WNT2B: variants seen among roughly 807,000 people sequenced by gnomAD.
The protein encoded by WNT2B is Wnt family member 2B.
In WNT2B, 19 loss-of-function variants were observed where a neutral mutation model predicts 40.5. That is an observed-to-expected ratio of 0.47 (90% CI 0.33 to 0.69). The LOEUF is 0.69. Among genes scored for constraint, WNT2B ranks in the 30% least tolerant of loss-of-function variants. The pLI, the probability that WNT2B is intolerant of heterozygous loss-of-function variation, is 0.02. For synonymous variants in WNT2B, 220 were observed against 211.9 expected, an observed-to-expected ratio of 1.04 and a Z score of -0.33; for missense variants, 467 against 556.4, an observed-to-expected ratio of 0.84 and a Z score of 1.62.
chr1:112,475,928 T>A (rs987225482), intron 1 of WNT2B, among the ~76,000 whole-genome samples: 1 of 152,126 alleles, frequency 6.6e-6, no homozygotes, highest in African/African-American at 2.4e-5. Context: ...AGAAATCCAA[T>A]ATAAATATAA....
Position 112,509,257 on chromosome 1 carries a change from G to A in WNT2B, c.-6G>A, listed in dbSNP as rs1490011880. The A allele has an allele frequency of 2.6e-6, 4 of 1,516,770 alleles. No individual in the cohort carries two copies. The highest frequency in any genetic ancestry group is 1.4e-5 in the African/African-American group (1 of 70,018). 94.0% of individuals were successfully genotyped at this position (1,516,770 alleles called of 1,614,324 possible). On this transcript the variant is annotated 5_prime_UTR_variant, in exon 1 of 5. Transcript: ENST00000369684. This position sits in a 1 kb window ranked among gnomAD's most constrained non-coding sequence, Gnocchi z 4.2. ...CGGGCTGCGCGGCGGGAGTCTTCGG[G>A]GAGCTATGCTGAGACCGGGTGGTGC...
chr1:112,468,549 C>G (rs991612227), intron 1 of WNT2B, among the ~76,000 whole-genome samples: 1 of 152,090 alleles, frequency 6.6e-6, no homozygotes, highest in African/African-American at 2.4e-5. Flanking sequence ...CCTAATGATT[C>G]ATGACATTGA....
At chr1:112,466,727 CTATT>C (rs1472857763) in exon 1 of WNT2B, 4 of 152,168 alleles carry the variant, frequency 2.6e-5, no homozygotes, top group African/African-American at 4.8e-5. Context: ...AGGATTCTAT[CTATT>C]TATGCATTCA....
At chr1:112,473,301 TAGC>T (rs1364861909) in intron 1 of WNT2B, among the ~76,000 whole-genome samples, 2 of 151,742 alleles carry the variant, frequency 1.3e-5, no homozygotes, top group Non-Finnish European at 2.9e-5. Flanking sequence ...ATGACAGAAA[TAGC>T]AGACAATTAC....
chr1:112,507,498 G>A (rs897117153), upstream of WNT2B, among the ~76,000 whole-genome samples: 4 of 152,190 alleles, frequency 2.6e-5, no homozygotes, highest in African/African-American at 9.6e-5. Context: ...CACTCTGCCC[G>A]CCCACAGAAG....
upstream of WNT2B, among the ~76,000 whole-genome samples, chr1:112,505,285 C>A (rs7542272): frequency 0.11 from 17,123 of 152,206 alleles, 3,204 homozygotes; most frequent in African/African-American, 0.39. Context: ...CAGCATGCAC[C>A]CTTGAACTTC....
intron 1 of WNT2B, among the ~76,000 whole-genome samples, chr1:112,484,284 T>TATAC (rs1651341386): frequency 9.4e-6 from 1 of 106,602 alleles, no homozygotes; most frequent in Admixed American, 9.3e-5. Context: ...TATATATATA[T>TATAC]ATATATACAC....
chr1:112,491,952 G>A (rs1392804347), intron 1 of WNT2B, among the ~76,000 whole-genome samples: 1 of 151,974 alleles, frequency 6.6e-6, no homozygotes, highest in Non-Finnish European at 1.5e-5. Flanking sequence ...GGAAAATTTA[G>A]GATATGAGTT....
At chr1:112,484,050 C>T (rs1651319790) in intron 1 of WNT2B, among the ~76,000 whole-genome samples, 1 of 149,104 alleles carries the variant, frequency 6.7e-6, no homozygotes, top group African/African-American at 2.4e-5. Context: ...CACTTGAGCC[C>T]TGGAGTTCAA....
chr1:112,468,648 A>G (rs1388617360), intron 1 of WNT2B, among the ~76,000 whole-genome samples: 1 of 151,748 alleles, frequency 6.6e-6, no homozygotes, highest in Non-Finnish European at 1.5e-5. Context: ...TGGGATTATT[A>G]TTATTATTAT....
intron 1 of WNT2B, among the ~76,000 whole-genome samples, chr1:112,468,967 C>T (rs12164560): frequency 5.8e-4 from 88 of 152,250 alleles, no homozygotes; most frequent in Admixed American, 1.2e-3. Flanking sequence ...AATCCATCTT[C>T]AGTTGTCTTC....
chr1:112,520,195 A>C, intron 4 of WNT2B, 85 bp from the exon 5 acceptor site: 3 of 1,367,096 alleles, frequency 2.2e-6, no homozygotes, highest in East Asian at 2.5e-5. Context: ...GATTCTTTTT[A>C]TCTTCCTTCT....
intron 1 of WNT2B, among the ~76,000 whole-genome samples, chr1:112,482,466 T>C (rs976948802): frequency 6.6e-6 from 1 of 152,108 alleles, no homozygotes; most frequent in Non-Finnish European, 1.5e-5. Flanking sequence ...CTACTGATAA[T>C]CTGGGACTAC....
Position 112,522,380 on chromosome 1 carries a change from T to C in WNT2B, c.*1871T>C, listed in dbSNP as rs1228276916. Reference sequence around the variant, plus strand: ...ACCAAACTCCAGCCCGCAGATCCTCTTCACCAAAGCCCCTGGCTGGTCTAG... The same window carrying C: ...ACCAAACTCCAGCCCGCAGATCCTCCTCACCAAAGCCCCTGGCTGGTCTAG... On this transcript the variant is annotated 3_prime_UTR_variant, in exon 5 of 5. Transcript: ENST00000369684. 2 of 152,302 alleles carry C rather than the reference T, an allele frequency of 1.3e-5. No homozygotes were observed. Among genetic ancestry groups the C allele is most frequent in the African/African-American group, 4.8e-5 (2 of 41,478 alleles). The allele number at this position is 152,302 out of a possible 1,614,324, so 9.4% of individuals were successfully genotyped here.
In WNT2B at chr1:112,495,445, T is replaced by C. The variant is rs529153326; in HGVS notation, c.-94-19429T>C. The stretch of plus-strand genomic sequence containing the variant: ...ACAAAAAAAACAAAAAAAAATTAGC[T>C]GGGCATGGTGGCGAGTGCCTATAGT... On this transcript the variant is annotated intron_variant, in intron 1 of 4. Transcript: ENST00000256640. 3.1e-3 allele frequency among the ~76,000 whole-genome samples: 471 copies of C among 151,982 alleles called. 2 individuals carry two copies. Among genetic ancestry groups the C allele is most frequent in the African/African-American group, 0.011 (445 of 41,468 alleles).
chr1:112,520,218 A>C, intron 4 of WNT2B, 62 bp from the exon 5 acceptor site: 3 of 1,484,716 alleles, frequency 2.0e-6, no homozygotes, highest in Admixed American at 3.8e-5. Flanking sequence ...GAATGTGGTT[A>C]AGGGTATCCA....
rs78844605 is a variant in WNT2B at position 112,529,751 on chromosome 1, TAAAAAAA to T, written c.*9257_*9263del. Reference sequence around the variant, plus strand: ...TCAATGCCATCCAAAAGATAAAAGTTAAAAAAAAAAAAAAAAAAAAAGGTAACTATGC... The same window carrying T: ...TCAATGCCATCCAAAAGATAAAAGTTAAAAAAAAAAAAAAGGTAACTATGC... On this transcript the variant is annotated 3_prime_UTR_variant, in exon 5 of 5. Coordinates refer to ENST00000369684, the MANE Select transcript of WNT2B (RefSeq NM_024494.3). 2.0e-5 allele frequency: 2 copies of T among 98,990 alleles called. No individual in the cohort carries two copies. The highest frequency in any genetic ancestry group is 7.5e-5 in the African/African-American group (2 of 26,494). 6.1% of individuals were successfully genotyped at this position (98,990 alleles called of 1,614,324 possible). A position where few individuals can be genotyped will look rare whatever the true frequency, so the allele number is the denominator to read the frequency against.
intron 1 of WNT2B, among the ~76,000 whole-genome samples, chr1:112,468,994 T>C (rs1650790437): frequency 6.6e-6 from 1 of 152,200 alleles, no homozygotes; most frequent in Admixed American, 6.5e-5. Context: ...TAGTGAAAGA[T>C]AGGAATCCAG....
At chr1:112,517,574 G>C (rs928485269) in intron 4 of WNT2B, among the ~76,000 whole-genome samples, 189 bp downstream of exon 4, 3 of 152,248 alleles carry the variant, frequency 2.0e-5, no homozygotes, top group Admixed American at 1.3e-4. Context: ...CCCAAGTAGA[G>C]AGGAGGTCAC....
Sources: allele counts gnomAD v4.1 joint callset (sites outside exome capture counted in the v4.1 genomes callset), GRCh38; gene constraint gnomAD v4.1.1; non-coding constraint Gnocchi (gnomAD v3.1); transcripts MANE v1.5; gene names NCBI Gene and HGNC (gene_info 2026-07-23, HGNC 2026-07-21).